Variants in ABCG1 observed in about 807,000 individuals in gnomAD.
ABCG1 encodes the protein ATP binding cassette subfamily G member 1.
ABCG1 carries 29 observed loss-of-function variants against 69.2 expected under a neutral mutation model. The observed-to-expected ratio is 0.42, with a 90% CI of 0.31 to 0.57. The LOEUF is 0.57. ABCG1 is among the 20% of genes least tolerant of loss of function. The probability of loss-of-function intolerance (pLI) is 0.15; values close to 1 mark genes in which losing one functional copy is unlikely to be tolerated. For synonymous variants in ABCG1, 370 were observed against 374.8 expected, an observed-to-expected ratio of 0.99 and a Z score of 0.15; for missense variants, 718 against 898.1, an observed-to-expected ratio of 0.80 and a Z score of 2.56.
rs566757375 is a variant in ABCG1 at position 42,257,562 on chromosome 21, C to T, written c.287-13508C>T. Among the ~76,000 whole-genome samples, 7 of 152,222 alleles carry T rather than the reference C, an allele frequency of 4.6e-5. 1 individual carries two copies. The South Asian group carries it at 8.3e-4, about 18-fold the overall frequency. ...GCTGAGACAGCTGTGTAGGGCGTGG[C>T]GGTGACCCTGGGGAAGGACCGTACT... On this transcript the variant is annotated intron_variant, in intron 2 of 14. Coordinates refer to ENST00000398449, the MANE Select transcript of ABCG1 (RefSeq NM_016818.3).
intron 2 of ABCG1, among the ~76,000 whole-genome samples, chr21:42,246,368 C>T (rs908061351): frequency 6.6e-6 from 1 of 152,168 alleles, no homozygotes; most frequent in South Asian, 2.1e-4. Flanking sequence ...TAAAGCTGTT[C>T]TAATAATTTA....
upstream of ABCG1, among the ~76,000 whole-genome samples, chr21:42,217,156 G>A (rs533734398): frequency 5.3e-5 from 8 of 152,240 alleles, no homozygotes; most frequent in South Asian, 8.3e-4. Flanking sequence ...GCCATCCACC[G>A]GCTGAAGCCA....
chr21:42,213,460 T>G (rs1330790454), upstream of ABCG1, among the ~76,000 whole-genome samples: 1 of 152,254 alleles, frequency 6.6e-6, no homozygotes, highest in Non-Finnish European at 1.5e-5. Flanking sequence ...GGCAGAGAAC[T>G]GCCACAGGGG....
At chr21:42,295,530 G>A (rs1161689458) in intron 14 of ABCG1, among the ~76,000 whole-genome samples, 3 of 152,202 alleles carry the variant, frequency 2.0e-5, no homozygotes, top group Admixed American at 2.0e-4. Flanking sequence ...CCCACCAGGG[G>A]CAGCGCCCAT....
rs781254633 is a variant in ABCG1 at position 42,282,300 on chromosome 21, C to A, written c.615C>A (p.Gly205=). ...TCAAGGAGATACTGACAGCGCTGGG[C>A]TTGCTGTCTTGCGCCAACACGCGGA... is the stretch of plus-strand genomic sequence containing the variant. ...EMVKEILTAL[G]LLSCANTRTG... Residue 205 remains glycine, a synonymous_variant, in exon 6 of 15, where the codon GGC becomes GGA. Transcript: ENST00000398449. 4 of 1,612,720 alleles carry A rather than the reference C, an allele frequency of 2.5e-6. No individual in the cohort carries two copies. The Admixed American group carries it at 6.7e-5, about 27-fold the overall frequency.
chr21:42,256,511 C>A (rs753860376), intron 2 of ABCG1: 4 of 1,549,516 alleles, frequency 2.6e-6, no homozygotes, highest in Non-Finnish European at 3.5e-6. Flanking sequence ...AGGTCACCTG[C>A]GTGCCTGGGT....
At chr21:42,258,300 C>T (rs1390137924) in intron 2 of ABCG1, among the ~76,000 whole-genome samples, 2 of 150,824 alleles carry the variant, frequency 1.3e-5, no homozygotes. Context: ...CCATCTATTT[C>T]TCTCTCCATC....
chr21:42,254,850 G>A (rs139831542), intron 2 of ABCG1, among the ~76,000 whole-genome samples: 3 of 152,218 alleles, frequency 2.0e-5, no homozygotes, highest in Non-Finnish European at 4.4e-5. Context: ...TGGGGAGCGA[G>A]GGGGAGGGGA....
intron 2 of ABCG1, among the ~76,000 whole-genome samples, chr21:42,253,265 A>G (rs113669242): frequency 0.048 from 7,265 of 152,264 alleles, 209 homozygotes; most frequent in Middle Eastern, 0.055. Context: ...AGCAGCTCCA[A>G]CTAAGGCAGA....
At chr21:42,271,664 C>A (rs1215775131) in intron 3 of ABCG1, among the ~76,000 whole-genome samples, 1 of 152,150 alleles carries the variant, frequency 6.6e-6, no homozygotes, top group Non-Finnish European at 1.5e-5. Flanking sequence ...GGCGGATTAC[C>A]TGAGGTCAGG....
chr21:42,210,972 T>C (rs1448571355), intron 2 of ABCG1, among the ~76,000 whole-genome samples: 1 of 151,386 alleles, frequency 6.6e-6, no homozygotes, highest in Non-Finnish European at 1.5e-5. Context: ...TTTTTTTTTT[T>C]TTTTTGAGAC....
chr21:42,278,679 C>T (rs2068752539), intron 5 of ABCG1, among the ~76,000 whole-genome samples: 1 of 152,188 alleles, frequency 6.6e-6, no homozygotes, highest in South Asian at 2.1e-4. Flanking sequence ...GTTGTGGAAA[C>T]CAGCCAGTGT....
chr21:42,227,310 A>C (rs1707372305), intron 2 of ABCG1, among the ~76,000 whole-genome samples: 1 of 152,232 alleles, frequency 6.6e-6, no homozygotes, highest in South Asian at 2.1e-4. Context: ...ATTTCAACAT[A>C]GGGTTCTAGA....
At chr21:42,261,105 G>GT (rs1391915643) in intron 2 of ABCG1, among the ~76,000 whole-genome samples, 1 of 152,058 alleles carries the variant, frequency 6.6e-6, no homozygotes, top group East Asian at 1.9e-4. Context: ...ACAGGCATGA[G>GT]TCACCGTACC....
intron 2 of ABCG1, chr21:42,255,999 G>A (rs1279319358): frequency 9.5e-6 from 4 of 419,242 alleles, no homozygotes; most frequent in African/African-American, 6.1e-5. Flanking sequence ...ACCAGCTGGA[G>A]CCAGGGAGCC....
chr21:42,233,103 G>A (rs1218524646), intron 2 of ABCG1, among the ~76,000 whole-genome samples: 1 of 152,186 alleles, frequency 6.6e-6, no homozygotes, highest in African/African-American at 2.4e-5. Flanking sequence ...AAAAAGATGG[G>A]TTTTCAGTCA....
Position 42,233,340 on chromosome 21 carries a change from G to A in ABCG1, c.286+7426G>A, listed in dbSNP as rs557215025. ...TGGAGCCAAAAGGAGTCGTGCTGCC[G>A]TAGCCCGCCCTCCTGCCCCGTGGAG... On this transcript the variant is annotated intron_variant, in intron 2 of 14. Coordinates refer to ENST00000398449, the MANE Select transcript of ABCG1 (RefSeq NM_016818.3). Among the ~76,000 whole-genome samples the A allele has an allele frequency of 1.2e-3, 188 of 152,278 alleles. 1 individual carries two copies. Among genetic ancestry groups the A allele is most frequent in the Admixed American group, 0.011 (164 of 15,288 alleles).
chr21:42,251,565 G>A (rs2068221409), intron 2 of ABCG1, among the ~76,000 whole-genome samples: 2 of 152,036 alleles, frequency 1.3e-5, no homozygotes, highest in Non-Finnish European at 2.9e-5. Context: ...CCTTTTCAAT[G>A]GGATGAATGG....
chr21:42,225,353 T>G (rs1189521720), intron 1 of ABCG1, among the ~76,000 whole-genome samples: 1 of 152,234 alleles, frequency 6.6e-6, no homozygotes, highest in Admixed American at 6.5e-5. Context: ...TCGATGCCTA[T>G]GGTGGCCAGT....
Sources: allele counts gnomAD v4.1 joint callset (sites outside exome capture counted in the v4.1 genomes callset), GRCh38; gene constraint gnomAD v4.1.1; transcripts MANE v1.5; gene names NCBI Gene and HGNC (gene_info 2026-07-23, HGNC 2026-07-21).